Variants in PFKP observed in about 807,000 individuals in gnomAD.
PFKP encodes the protein phosphofructokinase, platelet.
Under a neutral mutation model 94.3 loss-of-function variants are expected in PFKP, and 101 were observed. The ratio of observed to expected loss-of-function variants is 1.07; its 90% CI spans 0.91 to 1.26. PFKP has a LOEUF of 1.26. PFKP is among the 50% of genes most tolerant of loss of function. The pLI, the probability that PFKP is intolerant of heterozygous loss-of-function variation, is 0.00. For missense variants in PFKP, 1,145 were observed against 1,103.3 expected, an observed-to-expected ratio of 1.04 and a Z score of -0.53; for synonymous variants, 573 against 432.6, an observed-to-expected ratio of 1.32 and a Z score of -4.03.
chr10:3,133,189 C>G lies in PFKP; in HGVS notation c.1911-14C>G, dbSNP rs373440652. 1.6e-5 allele frequency: 25 copies of G among 1,601,406 alleles called. No individual in the cohort carries two copies. The African/African-American group carries it at 2.3e-4, about 15-fold the overall frequency. On this transcript the variant is annotated splice_polypyrimidine_tract_variant and intron_variant, in intron 18 of 21. Transcript: ENST00000381125. The stretch of plus-strand genomic sequence containing the variant: ...TGCACGCTAAACAAAGTGACTCCTT[C>G]TCGCTCGTTTCAGAAATGAGAGCTG...
At chr10:3,105,360 T>TG (rs1835432249) in intron 6 of PFKP, 33 bp from the exon 7 acceptor site, 6 of 1,553,664 alleles carry the variant, frequency 3.9e-6, no homozygotes, top group Non-Finnish European at 5.3e-6. Flanking sequence ...AGGATCCTTC[T>TG]GGGGTGTTGA....
rs377084892 is a variant in PFKP at position 3,103,840 on chromosome 10, C to T, written c.516C>T (p.Gly172=). ...YAYLNVVGMV[G]SIDNDFCGTD... is the part of the protein sequence containing the mutation. ...ACCTCAACGTGGTGGGCATGGTGGG[C>T]TCCATCGACAATGATTTCTGCGGCA... The change falls in exon 5 of 22, where the codon GGC becomes GGT. Residue 172 remains glycine, a synonymous_variant. Transcript: ENST00000381125. 6.2e-6 allele frequency: 10 copies of T among 1,614,002 alleles called. No individual in the cohort carries two copies. Among genetic ancestry groups the T allele is most frequent in the East Asian group, 2.2e-5 (1 of 44,868 alleles).
At position 3,135,736 on chromosome 10, in the gene PFKP, G is replaced by GA; in HGVS notation, c.2130dup (p.Phe711IlefsTer5). On this transcript the variant is annotated frameshift_variant and splice_region_variant, in exon 21 of 22. Coordinates refer to ENST00000381125, the MANE Select transcript of PFKP (RefSeq NM_002627.5). LOFTEE classifies it high-confidence loss of function. ...TAATCTTTTTTAAAATCTTTTATAG[G>GA]AAAAAAATTTACCACCGATGATTCC... 1.3e-6 allele frequency: 2 copies of GA among 1,597,606 alleles called. No individual in the cohort carries two copies. The highest frequency in any genetic ancestry group is 8.6e-7 in the Non-Finnish European group (1 of 1,166,668).
At chr10:3,125,110 C>T (rs752979002) in intron 16 of PFKP, 14 of 1,311,094 alleles carry the variant, frequency 1.1e-5, no homozygotes, top group African/African-American at 3.1e-5. Context: ...TACAAGAGTG[C>T]GTGCGACATG....
At chr10:3,090,945 G>A (rs1009954240) in intron 2 of PFKP, among the ~76,000 whole-genome samples, 2 of 152,084 alleles carry the variant, frequency 1.3e-5, no homozygotes, top group African/African-American at 2.4e-5. Flanking sequence ...AGTTAAACAG[G>A]TTACTATTAA....
At chr10:3,097,696 A>G (rs903570530) in intron 2 of PFKP, among the ~76,000 whole-genome samples, 3 of 152,108 alleles carry the variant, frequency 2.0e-5, no homozygotes, top group Non-Finnish European at 2.9e-5. Flanking sequence ...TATTACATGT[A>G]TGACACTAAA....
At chr10:3,118,207 A>G (rs1475963014) in intron 14 of PFKP, among the ~76,000 whole-genome samples, 1 of 152,218 alleles carries the variant, frequency 6.6e-6, no homozygotes, top group Non-Finnish European at 1.5e-5. Context: ...GGCGGCTCAC[A>G]CCTGTAACCC....
chr10:3,134,411 A>C, intron 19 of PFKP, 72 bp from the exon 20 acceptor site: 2 of 880,620 alleles, frequency 2.3e-6, no homozygotes, highest in Non-Finnish European at 3.7e-6. Flanking sequence ...GCAAAATAGA[A>C]ATTGTCATTT....
At chr10:3,087,814 C>T (rs1223870601) in intron 2 of PFKP, among the ~76,000 whole-genome samples, 2 of 152,068 alleles carry the variant, frequency 1.3e-5, no homozygotes, top group Non-Finnish European at 2.9e-5. Flanking sequence ...CAGTGTAGCC[C>T]AGGCACCTAC....
intron 10 of PFKP, among the ~76,000 whole-genome samples, chr10:3,110,784 TTATG>T (rs1316224580): frequency 2.0e-5 from 3 of 152,096 alleles, no homozygotes; most frequent in African/African-American, 7.2e-5. Context: ...ATGCATATAT[TTATG>T]CATGTGTGTG....
intron 2 of PFKP, among the ~76,000 whole-genome samples, chr10:3,096,658 C>CCA (rs767033134): frequency 4.2e-4 from 63 of 151,560 alleles, no homozygotes; most frequent in African/African-American, 8.5e-4. Flanking sequence ...TCCTTGCCCC[C>CCA]CCGAGCTTCA....
At chr10:3,097,166 A>G (rs565035614) in intron 2 of PFKP, among the ~76,000 whole-genome samples, 6 of 150,638 alleles carry the variant, frequency 4.0e-5, no homozygotes, top group African/African-American at 7.3e-5. Flanking sequence ...CTCTTTATTT[A>G]TGTATCCACC....
At chr10:3,109,640 A>G (rs10082547) in intron 10 of PFKP, among the ~76,000 whole-genome samples, 160 bp downstream of exon 10, 151,033 of 152,328 alleles carry the variant, frequency 0.99, 74,894 homozygotes, top group Middle Eastern at 1. Flanking sequence ...GAGAAGGCTT[A>G]TGTTCTCTCC....
intron 14 of PFKP, 84 bp from the exon 15 acceptor site, chr10:3,118,698 G>T: frequency 1.1e-6 from 1 of 890,918 alleles, no homozygotes; most frequent in East Asian, 2.6e-5. Flanking sequence ...TGGGGAAGGC[G>T]GCCGGGTGGG....
At position 3,135,842 on chromosome 10, in the gene PFKP, A is replaced by C. The variant is rs1656475910; in HGVS notation, c.2225+4A>C. The stretch of plus-strand genomic sequence containing the variant: ...TGAAGAAGCAAACGGATTTTGAGTA[A>C]GTTGGCTGGGTTCCCTGAGGCAATA... On this transcript the variant is annotated splice_donor_region_variant and intron_variant, in intron 21 of 21. Transcript: ENST00000381125. The C allele has an allele frequency of 6.3e-7, 1 of 1,594,650 alleles. No homozygotes were observed.
intron 17 of PFKP, among the ~76,000 whole-genome samples, chr10:3,131,056 G>A (rs1465588695): frequency 7.2e-6 from 1 of 139,768 alleles, no homozygotes; most frequent in African/African-American, 2.6e-5. Context: ...CCCCAAACAG[G>A]TGCAGTTTTT....
chr10:3,072,672 G>A lies in PFKP; in HGVS notation c.112+4965G>A, dbSNP rs1211416748. ...GACATTTTGTCATCTTTCGAAAGAA[G>A]CATGTTTTCCCCCTTGGTTACAGAA... is the stretch of plus-strand genomic sequence containing the variant. On this transcript the variant is annotated intron_variant, in intron 1 of 21. Coordinates refer to ENST00000381125, the MANE Select transcript of PFKP (RefSeq NM_002627.5). Among the ~76,000 whole-genome samples, 3 of 151,938 alleles carry A rather than the reference G, an allele frequency of 2.0e-5. No individual in the cohort carries two copies. The East Asian group carries it at 5.8e-4, about 29-fold the overall frequency.
chr10:3,093,066 T>A (rs1245039143), intron 2 of PFKP, among the ~76,000 whole-genome samples: 1 of 142,420 alleles, frequency 7.0e-6, no homozygotes, highest in African/African-American at 2.7e-5. Context: ...GATGTGTGGA[T>A]GGGGGTGACC....
At chr10:3,104,723 T>A (rs1324330404) in intron 5 of PFKP, 4 of 293,516 alleles carry the variant, frequency 1.4e-5, no homozygotes, top group African/African-American at 2.3e-5. Context: ...GGCACTCACT[T>A]GTTTCCGTGG....
Sources: gnomAD v4.1 joint callset for allele counts (sites outside exome capture counted in the v4.1 genomes callset) on GRCh38, gnomAD v4.1.1 for gene constraint, MANE v1.5 for transcripts, NCBI Gene and HGNC (gene_info 2026-07-23, HGNC 2026-07-21) for gene names.